The following LRBA variants were observed in gnomAD, a reference collection of about 807,000 sequenced individuals.
LRBA encodes the protein lipopolysaccharide-responsive and beige-like anchor protein.
Under a neutral mutation model 330.0 loss-of-function variants are expected in LRBA, and 176 were observed. The observed-to-expected ratio is 0.53, with a 90% CI of 0.47 to 0.60. The LOEUF (loss-of-function observed/expected upper bound fraction) is 0.60, where lower values mean the gene tolerates loss of function less well. Ranked by LOEUF, LRBA falls within the 20% of genes least tolerant of loss-of-function variation. The pLI is 0.00. For missense variants in LRBA, 3,259 were observed against 3,444.8 expected (o/e 0.95, Z 1.35); for synonymous variants, 1,230 against 1,193.0 (o/e 1.03, Z -0.64).
intron 51 of LRBA, among the ~76,000 whole-genome samples, chr4:150,312,403 T>C (rs954615210): frequency 6.6e-6 from 1 of 152,056 alleles, no homozygotes; most frequent in Admixed American, 6.6e-5. Flanking sequence ...TGCTTGAAAT[T>C]GATTTGCCTG....
chr4:150,269,414 G>GAAAA (rs1560939441), intron 56 of LRBA, among the ~76,000 whole-genome samples: 2 of 152,240 alleles, frequency 1.3e-5, no homozygotes, highest in East Asian at 3.9e-4. Context: ...ATTATGCTGG[G>GAAAA]AAAATAGGAT....
At chr4:150,976,175 G>GA (rs56914557) in intron 2 of LRBA, among the ~76,000 whole-genome samples, 14,733 of 88,578 alleles carry the variant, frequency 0.17, 1,886 homozygotes, top group African/African-American at 0.37. Context: ...ACTCCGTCTT[G>GA]AAAAAAAAAA....
chr4:150,883,199 G>A (rs1464477557), intron 17 of LRBA, among the ~76,000 whole-genome samples: 3 of 152,074 alleles, frequency 2.0e-5, no homozygotes, highest in South Asian at 2.1e-4. Flanking sequence ...GGTGGCTCAC[G>A]CATGTAATCC....
chr4:150,943,674 C>T (rs953754211), intron 2 of LRBA, among the ~76,000 whole-genome samples: 2 of 152,090 alleles, frequency 1.3e-5, no homozygotes, highest in Middle Eastern at 3.2e-3. Flanking sequence ...CCTTTTATGA[C>T]TTATTGAAGT....
At chr4:150,563,569 G>C (rs151037335) in intron 40 of LRBA, among the ~76,000 whole-genome samples, 4,107 of 152,162 alleles carry the variant, frequency 0.027, 178 homozygotes, top group African/African-American at 0.093. Context: ...AAGCGTATTC[G>C]AATAGGAAGA....
intron 26 of LRBA, 114 bp from the exon 27 acceptor site, chr4:150,844,893 C>T (rs563893220): frequency 2.9e-5 from 24 of 833,548 alleles, no homozygotes; most frequent in African/African-American, 1.9e-4. Context: ...TCAAAACAGA[C>T]GACATTCAGC....
intron 34 of LRBA, among the ~76,000 whole-genome samples, chr4:150,783,232 C>T (rs1274347249): frequency 6.6e-6 from 1 of 152,136 alleles, no homozygotes; most frequent in Admixed American, 6.6e-5. Flanking sequence ...CTCACTGCCC[C>T]TAACCAACTT....
At position 150,893,142 on chromosome 4, in the gene LRBA, T is replaced by C. The variant is rs769457093; in HGVS notation, c.2075A>G (p.Asn692Ser). 5.6e-6 allele frequency: 9 copies of C among 1,597,394 alleles called. No individual in the cohort carries two copies. The highest frequency in any genetic ancestry group is 7.7e-6 in the Non-Finnish European group (9 of 1,167,442). ...NYLLTMHEDD[N>S]LMDVLQLLVA... is the part of the protein sequence containing the mutation. ...AAGCAGCTGTAGGACATCCATTAGA[T>C]TGTCATCCTATAATCATTTTAGAAA... Residue 692 changes from asparagine (N) to serine (S), a missense_variant, in exon 17 of 57, where the codon AAT becomes AGT. Physicochemically the swap from Asn to Ser is conservative, Grantham distance 46. Transcript: ENST00000651943.
At chr4:150,529,917 T>C (rs1763883505) in intron 40 of LRBA, among the ~76,000 whole-genome samples, 1 of 152,312 alleles carries the variant, frequency 6.6e-6, no homozygotes, top group African/African-American at 2.4e-5. Flanking sequence ...TTCTATCTAT[T>C]TCGCATTATA....
intron 35 of LRBA, among the ~76,000 whole-genome samples, chr4:150,760,075 G>A (rs1469051465): frequency 6.6e-6 from 1 of 152,100 alleles, no homozygotes; most frequent in Non-Finnish European, 1.5e-5. Flanking sequence ...ATCTGTTCAT[G>A]GGTGTTTTGC....
At chr4:150,921,975 G>C (rs10008077) in intron 4 of LRBA, among the ~76,000 whole-genome samples, 121,954 of 152,094 alleles carry the variant, frequency 0.8, 53,778 homozygotes, top group East Asian at 1. Context: ...CACCTGCCTG[G>C]GCCTCCCAAA....
At chr4:150,654,282 G>T (rs1230937197) in intron 37 of LRBA, among the ~76,000 whole-genome samples, 1 of 152,074 alleles carries the variant, frequency 6.6e-6, no homozygotes, top group Non-Finnish European at 1.5e-5. Flanking sequence ...TGCCTCCCGG[G>T]TTCAAGCAAT....
intron 50 of LRBA, among the ~76,000 whole-genome samples, chr4:150,316,957 T>C (rs1731801527): frequency 6.6e-6 from 1 of 152,094 alleles, no homozygotes; most frequent in Non-Finnish European, 1.5e-5. Flanking sequence ...TGTGGTGCCA[T>C]CCATTTTTAC....
At chr4:150,662,000 T>C (rs1423649553) in intron 37 of LRBA, among the ~76,000 whole-genome samples, 3 of 152,152 alleles carry the variant, frequency 2.0e-5, no homozygotes, top group Non-Finnish European at 4.4e-5. Flanking sequence ...CATTAAGCTA[T>C]ATCAAAAATT....
At position 150,559,079 on chromosome 4, in the gene LRBA, C is replaced by T. The variant is rs564618177; in HGVS notation, c.6330+28969G>A. Among the ~76,000 whole-genome samples the T allele has an allele frequency of 3.3e-5, 5 of 152,116 alleles. No homozygotes were observed. The South Asian group carries it at 1.0e-3, about 32-fold the overall frequency. ...TCACTTACATAGTATAACAACTAGA[C>T]GTATAACCTGAATCCAATCATAAGG... On this transcript the variant is annotated intron_variant, in intron 40 of 56. Transcript: ENST00000651943.
intron 36 of LRBA, among the ~76,000 whole-genome samples, chr4:150,704,325 C>T (rs1288331424): frequency 6.6e-6 from 1 of 151,730 alleles, no homozygotes; most frequent in East Asian, 1.9e-4. Context: ...TGTCTTGCCT[C>T]TTGGTGGGGC....
chr4:150,354,146 C>T (rs1391028988), intron 47 of LRBA, among the ~76,000 whole-genome samples: 1 of 152,054 alleles, frequency 6.6e-6, no homozygotes, highest in Non-Finnish European at 1.5e-5. Flanking sequence ...ATGGAATACC[C>T]TGAGGTTGCC....
At chr4:150,933,982 C>A (rs992495456) in intron 2 of LRBA, among the ~76,000 whole-genome samples, 1 of 151,870 alleles carries the variant, frequency 6.6e-6, no homozygotes, top group Non-Finnish European at 1.5e-5. Context: ...CAAGATTGTG[C>A]CACTGCACTC....
chr4:150,579,975 C>G (rs1034047907), intron 40 of LRBA: 2 of 324,138 alleles, frequency 6.2e-6, no homozygotes, highest in Admixed American at 8.4e-5. Context: ...GGAGCCCCTC[C>G]CGGCCAGTCG....
Sources: gnomAD v4.1 joint callset for allele counts (sites outside exome capture counted in the v4.1 genomes callset) on GRCh38, gnomAD v4.1.1 for gene constraint, MANE v1.5 for transcripts, NCBI Gene and HGNC (gene_info 2026-07-23, HGNC 2026-07-21) for gene names.